Variants in SUGCT observed in about 807,000 individuals in gnomAD.
SUGCT encodes the protein succinyl-CoA:glutarate-CoA transferase, also known as succinyl-CoA:glutarate CoA-transferase.
In SUGCT, 41 loss-of-function variants were observed where a neutral mutation model predicts 55.0. The observed-to-expected ratio is 0.74, with a 90% CI of 0.58 to 0.97. The LOEUF (loss-of-function observed/expected upper bound fraction) is 0.97. SUGCT is among the 50% of genes least tolerant of loss of function. The probability of loss-of-function intolerance (pLI) is 0.00; values close to 1 mark genes in which losing one functional copy is unlikely to be tolerated. For missense variants in SUGCT, 568 were observed against 547.8 expected (o/e 1.04, Z -0.37); for synonymous variants, 187 against 200.4 (o/e 0.93, Z 0.56).
rs191161340 is a variant in SUGCT, at chr7:40,542,222, A to G, written c.1089+45836A>G. Reference sequence around the variant, plus strand: ...CATCCTCACAAAGGCCATATGACATAGACAATGTAATCATAACCATCGTCA... The same window carrying G: ...CATCCTCACAAAGGCCATATGACATGGACAATGTAATCATAACCATCGTCA... On this transcript the variant is annotated intron_variant, in intron 12 of 13. Transcript: ENST00000335693. 1.8e-3 allele frequency among the ~76,000 whole-genome samples: 267 copies of G among 152,352 alleles called. 4 individuals are homozygous for G. The highest frequency in any genetic ancestry group is 6.8e-4 in the Non-Finnish European group (46 of 68,036).
chr7:40,642,439 G>A (rs1165802409), intron 12 of SUGCT, among the ~76,000 whole-genome samples: 1 of 152,108 alleles, frequency 6.6e-6, no homozygotes, highest in African/African-American at 2.4e-5. Flanking sequence ...TGAACTGAGG[G>A]TAAGGAGAAG....
intron 1 of SUGCT, among the ~76,000 whole-genome samples, chr7:40,143,840 A>T (rs1392671671): frequency 6.6e-6 from 1 of 152,192 alleles, no homozygotes. Flanking sequence ...CTCAGCCCCC[A>T]TACCATAAAA....
intron 7 of SUGCT, among the ~76,000 whole-genome samples, chr7:40,273,620 A>G (rs1792259452): frequency 6.6e-6 from 1 of 152,218 alleles, no homozygotes; most frequent in Admixed American, 6.5e-5. Flanking sequence ...TCAGACTGAC[A>G]TGAAGTGGAG....
At chr7:41,011,049 A>T in the SUGCT span, among the ~76,000 whole-genome samples, 1 of 152,228 alleles carries the variant, frequency 6.6e-6, no homozygotes, top group African/African-American at 2.4e-5. Context: ...GGGTTTGGAC[A>T]TTCACTTACT....
chr7:40,427,545 T>A (rs1787651212), intron 9 of SUGCT, among the ~76,000 whole-genome samples: 1 of 152,186 alleles, frequency 6.6e-6, no homozygotes, highest in African/African-American at 2.4e-5. Flanking sequence ...TTATGAGCAA[T>A]GTTTGAACTC....
intron 11 of SUGCT, among the ~76,000 whole-genome samples, chr7:40,472,836 G>A (rs1341249795): frequency 6.6e-6 from 1 of 152,036 alleles, no homozygotes; most frequent in Non-Finnish European, 1.5e-5. Flanking sequence ...ATTAATTCAT[G>A]TTCTTGACTT....
chr7:41,024,043 CA>C, the SUGCT span, among the ~76,000 whole-genome samples: 2 of 152,094 alleles, frequency 1.3e-5, no homozygotes, highest in Non-Finnish European at 2.9e-5. Flanking sequence ...CAGAACAATG[CA>C]AGACAACATG....
intron 12 of SUGCT, among the ~76,000 whole-genome samples, chr7:40,619,232 TA>T: frequency 6.6e-6 from 1 of 152,380 alleles, no homozygotes; most frequent in South Asian, 2.1e-4. Flanking sequence ...TTAATAGAAC[TA>T]TTTTAATTAA....
intron 12 of SUGCT, among the ~76,000 whole-genome samples, chr7:40,736,692 A>G (rs1787180943): frequency 6.6e-6 from 1 of 152,134 alleles, no homozygotes; most frequent in African/African-American, 2.4e-5. Context: ...TATCATCAGT[A>G]TACCAACAGA....
intron 13 of SUGCT, among the ~76,000 whole-genome samples, chr7:40,829,167 C>T (rs1563032331): frequency 6.6e-6 from 1 of 152,148 alleles, no homozygotes; most frequent in Non-Finnish European, 1.5e-5. Context: ...CAGGAACTCC[C>T]CCACCCCTTT....
At chr7:40,644,525 C>G (rs1037449119) in intron 12 of SUGCT, among the ~76,000 whole-genome samples, 1 of 152,212 alleles carries the variant, frequency 6.6e-6, no homozygotes, top group Non-Finnish European at 1.5e-5. Flanking sequence ...ATTTTTTAAA[C>G]TTCCTACAGC....
At chr7:40,136,719 T>C (rs1787714800) in intron 1 of SUGCT, among the ~76,000 whole-genome samples, 1 of 152,210 alleles carries the variant, frequency 6.6e-6, no homozygotes, top group African/African-American at 2.4e-5. Flanking sequence ...AACTTAATGC[T>C]TGGGAATTGC....
At chr7:40,920,805 GATAA>G in the SUGCT span, among the ~76,000 whole-genome samples, 4 of 152,144 alleles carry the variant, frequency 2.6e-5, no homozygotes, top group Non-Finnish European at 4.4e-5. Flanking sequence ...GTAGCCAAGA[GATAA>G]ATAAAAATAA....
chr7:40,907,291 A>C, the SUGCT span, among the ~76,000 whole-genome samples: 248 of 152,280 alleles, frequency 1.6e-3, no homozygotes, highest in Non-Finnish European at 2.3e-3. Flanking sequence ...GTTATGTGTC[A>C]TATTCCCAGA....
intron 1 of SUGCT, among the ~76,000 whole-genome samples, chr7:40,176,961 C>CA (rs4051102): frequency 1.8e-3 from 176 of 100,198 alleles, no homozygotes; most frequent in East Asian, 2.8e-3. Context: ...ACTCCGTCTC[C>CA]AAAAAAAAAA....
chr7:40,942,519 A>G, the SUGCT span, among the ~76,000 whole-genome samples: 1 of 152,126 alleles, frequency 6.6e-6, no homozygotes, highest in African/African-American at 2.4e-5. Flanking sequence ...AGTTTAGATA[A>G]TTTGATGACT....
At chr7:40,397,675 C>T (rs2151314925) in intron 9 of SUGCT, among the ~76,000 whole-genome samples, 1 of 152,132 alleles carries the variant, frequency 6.6e-6, no homozygotes, top group Admixed American at 6.5e-5. Context: ...ATACGTAATA[C>T]AATATGTTAA....
the SUGCT span, among the ~76,000 whole-genome samples, chr7:40,929,151 C>T: frequency 6.6e-6 from 1 of 151,968 alleles, no homozygotes. Context: ...TCAATTCCCA[C>T]CTATGAGTGA....
At chr7:40,367,074 AC>A (rs1193638278) in intron 9 of SUGCT, among the ~76,000 whole-genome samples, 2 of 152,138 alleles carry the variant, frequency 1.3e-5, no homozygotes, top group African/African-American at 4.8e-5. Flanking sequence ...ACCATGGAAT[AC>A]TATGCAGCCA....
Sources: allele counts gnomAD v4.1 joint callset (sites outside exome capture counted in the v4.1 genomes callset), GRCh38; gene constraint gnomAD v4.1.1; transcripts MANE v1.5; gene names NCBI Gene and HGNC (gene_info 2026-07-23, HGNC 2026-07-21).